The following KLHL29 variants were observed in gnomAD, a reference collection of about 807,000 sequenced individuals.
KLHL29 encodes the protein kelch like family member 29, also known as kelch-like protein 29.
In KLHL29, 21 loss-of-function variants were observed where a neutral mutation model predicts 80.4. That is an observed-to-expected ratio of 0.26 (90% confidence interval 0.19 to 0.38). KLHL29 has a LOEUF of 0.38. Ranked by LOEUF, KLHL29 falls within the 10% of genes least tolerant of loss-of-function variation. The pLI is 1.00. For synonymous variants in KLHL29, 511 were observed against 526.8 expected, an observed-to-expected ratio of 0.97 and a Z score of 0.41; for missense variants, 867 against 1,223.9, an observed-to-expected ratio of 0.71 and a Z score of 4.35.
intron 1 of KLHL29, among the ~76,000 whole-genome samples, chr2:23,438,426 G>A (rs9753008): frequency 0.12 from 10,279 of 83,862 alleles, 970 homozygotes; most frequent in Middle Eastern, 0.18. Flanking sequence ...TTGCCCATTC[G>A]GTATGATATC....
intron 1 of KLHL29, among the ~76,000 whole-genome samples, chr2:23,469,217 C>G (rs1392660978): frequency 6.6e-6 from 1 of 152,166 alleles, no homozygotes; most frequent in Non-Finnish European, 1.5e-5. Flanking sequence ...GGGAGTGGAG[C>G]CTCTATAGAT....
intron 1 of KLHL29, among the ~76,000 whole-genome samples, chr2:23,456,580 G>A (rs946213051): frequency 3.9e-5 from 6 of 152,350 alleles, no homozygotes; most frequent in Non-Finnish European, 5.9e-5. Context: ...GTGAGGAGCC[G>A]GAAACATTCT....
chr2:23,525,743 G>A (rs908972216), intron 2 of KLHL29, among the ~76,000 whole-genome samples: 1 of 39,596 alleles, frequency 2.5e-5, no homozygotes, highest in South Asian at 9.6e-4. Flanking sequence ...CCCCCCACCC[G>A]AGGCGAGCCA....
intron 1 of KLHL29, among the ~76,000 whole-genome samples, chr2:23,456,508 C>T (rs920056024): frequency 2.0e-5 from 3 of 152,224 alleles, no homozygotes; most frequent in African/African-American, 7.2e-5. Context: ...ACAAAATATC[C>T]GAGAACTAAA....
At chr2:23,481,254 A>G (rs911480250) in intron 2 of KLHL29, among the ~76,000 whole-genome samples, 2 of 152,310 alleles carry the variant, frequency 1.3e-5, no homozygotes, top group Non-Finnish European at 1.5e-5. Flanking sequence ...TTTGTGGCCC[A>G]CCTGTAGCCT....
chr2:23,429,363 C>T (rs1663102586), intron 1 of KLHL29, among the ~76,000 whole-genome samples: 1 of 152,244 alleles, frequency 6.6e-6, no homozygotes, highest in Non-Finnish European at 1.5e-5. Context: ...AACCACCACC[C>T]AGCCCTGAGG....
At chr2:23,597,781 T>C (rs915203142) in intron 3 of KLHL29, among the ~76,000 whole-genome samples, 1 of 152,100 alleles carries the variant, frequency 6.6e-6, no homozygotes, top group Non-Finnish European at 1.5e-5. Context: ...CCTGACATGC[T>C]CTCAGTCTAG....
At chr2:23,389,126 T>A (rs1666257477) in intron 1 of KLHL29, among the ~76,000 whole-genome samples, 1 of 152,004 alleles carries the variant, frequency 6.6e-6, no homozygotes, top group Non-Finnish European at 1.5e-5. Flanking sequence ...CTAGTAGTGG[T>A]CAAAGCCAGA....
chr2:23,693,544 T>A lies in KLHL29; in HGVS notation c.1542+16T>A. 5.8e-6 allele frequency: 9 copies of A among 1,538,854 alleles called. No homozygotes were observed. Among genetic ancestry groups the A allele is most frequent in the Non-Finnish European group, 7.9e-6 (9 of 1,136,524 alleles). ...ACGCACACAGGTGGGGCCTGCCCTG[T>A]CCCCCGCCCCTTCTCTCTGGGTTTG... On this transcript the variant is annotated intron_variant, in intron 8 of 13. Transcript: ENST00000486442.
At chr2:23,493,185 A>G (rs1339135125) in intron 2 of KLHL29, among the ~76,000 whole-genome samples, 1 of 152,120 alleles carries the variant, frequency 6.6e-6, no homozygotes, top group Non-Finnish European at 1.5e-5. Context: ...GTTCTTGCAA[A>G]TAGCATTGCC....
At chr2:23,584,210 C>T (rs886089600) in intron 3 of KLHL29, among the ~76,000 whole-genome samples, 1 of 152,208 alleles carries the variant, frequency 6.6e-6, no homozygotes, top group African/African-American at 2.4e-5. Context: ...CTCCCCTGGG[C>T]CTGGGTATGA....
chr2:23,442,096 T>G (rs1289185777), intron 1 of KLHL29, among the ~76,000 whole-genome samples: 1 of 152,120 alleles, frequency 6.6e-6, no homozygotes, highest in East Asian at 1.9e-4. Context: ...ACCAGGGTCC[T>G]TTATTTTTAA....
chr2:23,552,385 T>A (rs1667153057), intron 2 of KLHL29, among the ~76,000 whole-genome samples: 1 of 152,202 alleles, frequency 6.6e-6, no homozygotes, highest in South Asian at 2.1e-4. Flanking sequence ...TGCAGCTTTT[T>A]GTACATCAAT....
intron 1 of KLHL29, among the ~76,000 whole-genome samples, chr2:23,390,860 G>C (rs1335612877): frequency 6.6e-6 from 1 of 151,918 alleles, no homozygotes; most frequent in African/African-American, 2.4e-5. Flanking sequence ...CACCATGTTG[G>C]CCAGGCTGGT....
At chr2:23,394,982 A>G (rs1398407904) in intron 1 of KLHL29, among the ~76,000 whole-genome samples, 1 of 152,210 alleles carries the variant, frequency 6.6e-6, no homozygotes, top group Non-Finnish European at 1.5e-5. Context: ...ACATATGCCA[A>G]ATCGGTAACA....
chr2:23,620,743 C>A (rs1160512705), intron 3 of KLHL29, among the ~76,000 whole-genome samples: 4 of 152,196 alleles, frequency 2.6e-5, no homozygotes, highest in Non-Finnish European at 2.9e-5. Context: ...GATGCAGGAA[C>A]AGGGTCCCCA....
At position 23,703,168 on chromosome 2, in the gene KLHL29, T is replaced by C; in HGVS notation, c.2106-18T>C. 7.1e-7 allele frequency: 1 copy of C among 1,402,948 alleles called. No individual in the cohort carries two copies. Among genetic ancestry groups the C allele is most frequent in the South Asian group, 1.7e-5 (1 of 60,386 alleles). The allele number at this position is 1,402,948 out of a possible 1,614,324, so 86.9% of individuals were successfully genotyped here. Reference sequence around the variant, plus strand: ...AAGGTCCATCTTGACCCTGGGCTCTTTTTCTCCTCTCCTGCAGGTACGACA... The same window carrying C: ...AAGGTCCATCTTGACCCTGGGCTCTCTTTCTCCTCTCCTGCAGGTACGACA... On this transcript the variant is annotated intron_variant, in intron 11 of 13. Coordinates refer to ENST00000486442, the MANE Select transcript of KLHL29 (RefSeq NM_052920.2).
rs1039493923 is a variant in KLHL29, at chr2:23,684,608, C to T, written c.1079+71C>T. Reference sequence around the variant, plus strand: ...CGCTTTTGTGTCGCTTTTCTCTTCCCCTCTCTTGCAGGTTCCTGAAGCGTG... The same window carrying T: ...CGCTTTTGTGTCGCTTTTCTCTTCCTCTCTCTTGCAGGTTCCTGAAGCGTG... On this transcript the variant is annotated intron_variant, in intron 6 of 13. Coordinates refer to ENST00000486442, the MANE Select transcript of KLHL29 (RefSeq NM_052920.2). This position sits in a 1 kb window ranked among gnomAD's most constrained non-coding sequence, Gnocchi z 4.4. The T allele has an allele frequency of 4.3e-6, 6 of 1,385,016 alleles. No individual in the cohort carries two copies. Among genetic ancestry groups the T allele is most frequent in the Non-Finnish European group, 5.8e-6 (6 of 1,036,802 alleles). 85.8% of individuals were successfully genotyped at this position (1,385,016 alleles called of 1,614,324 possible). A position where few individuals can be genotyped will look rare whatever the true frequency, so the allele number is the denominator to read the frequency against.
At position 23,435,032 on chromosome 2, in the gene KLHL29, C is replaced by T. The variant is rs941079634; in HGVS notation, c.-153-40528C>T. ...CTCTGCTTTCACAGAGCTGATGAAA[C>T]GCCATTCCATAGCTCCATGTCCTCA... is the stretch of plus-strand genomic sequence containing the variant. On this transcript the variant is annotated intron_variant, in intron 1 of 13. Coordinates refer to ENST00000486442, the MANE Select transcript of KLHL29 (RefSeq NM_052920.2). 5.9e-5 allele frequency among the ~76,000 whole-genome samples: 9 copies of T among 152,168 alleles called. No homozygotes were observed. The South Asian group carries it at 6.2e-4, about 11-fold the overall frequency.
Sources: gnomAD v4.1 joint callset for allele counts (sites outside exome capture counted in the v4.1 genomes callset) on GRCh38, gnomAD v4.1.1 for gene constraint, Gnocchi (gnomAD v3.1) non-coding constraint, MANE v1.5 for transcripts, NCBI Gene and HGNC (gene_info 2026-07-23, HGNC 2026-07-21) for gene names.